The following PGPEP1L variants were observed in gnomAD, a reference collection of about 807,000 sequenced individuals.
The protein encoded by PGPEP1L is pyroglutamyl-peptidase I like, also known as pyroglutamyl-peptidase 1-like protein.
Under a neutral mutation model 6.0 loss-of-function variants are expected in PGPEP1L, and 7 were observed. The observed-to-expected ratio is 1.17, with a 90% CI of 0.66 to 2.19. The LOEUF is 2.19. Ranked by LOEUF, PGPEP1L falls within the 30% of genes most tolerant of loss-of-function variation. The probability of loss-of-function intolerance (pLI) is 0.00; values close to 1 mark genes in which losing one functional copy is unlikely to be tolerated. For synonymous variants in PGPEP1L, 103 were observed against 83.9 expected (o/e 1.23, Z -1.24); for missense variants, 209 against 192.5 (o/e 1.09, Z -0.51).
intron 2 of PGPEP1L, among the ~76,000 whole-genome samples, chr15:99,001,460 C>T (rs1398514134): frequency 6.6e-6 from 1 of 152,052 alleles, no homozygotes; most frequent in African/African-American, 2.4e-5. Flanking sequence ...TTCTGGGGTG[C>T]TGAAAATGTT....
At chr15:98,971,961 AGTT>A (rs959960981) in intron 2 of PGPEP1L, among the ~76,000 whole-genome samples, 4 of 152,374 alleles carry the variant, frequency 2.6e-5, no homozygotes, top group African/African-American at 9.6e-5. Flanking sequence ...ATCCATGTTC[AGTT>A]GTTATCATTT....
intron 2 of PGPEP1L, among the ~76,000 whole-genome samples, chr15:98,974,651 C>A (rs1416318094): frequency 6.6e-6 from 1 of 152,208 alleles, no homozygotes; most frequent in Non-Finnish European, 1.5e-5. Flanking sequence ...AATCCCAGCA[C>A]TTTGGGAGGC....
intron 2 of PGPEP1L, among the ~76,000 whole-genome samples, chr15:98,988,703 C>T (rs2017781217): frequency 6.6e-6 from 1 of 152,122 alleles, no homozygotes; most frequent in Non-Finnish European, 1.5e-5. Context: ...TGGGAGATAC[C>T]TCCCAGTAGG....
rs149674551 is a variant in PGPEP1L at position 98,980,589 on chromosome 15, CAG to C, written c.-141-9433_-141-9432del. On this transcript the variant is annotated intron_variant, in intron 2 of 4. Transcript: ENST00000535714. Reference sequence around the variant, plus strand: ...CTCCCCCACTCGAGTGTGGGCTGCGCAGAGTTACTTCCTTCCAAAGAGGACAG... The same window carrying C: ...CTCCCCCACTCGAGTGTGGGCTGCGCAGTTACTTCCTTCCAAAGAGGACAG... Among the ~76,000 whole-genome samples the C allele has an allele frequency of 3.5e-3, 539 of 152,274 alleles. 2 individuals are homozygous for C. The highest frequency in any genetic ancestry group is 0.011 in the African/African-American group (456 of 41,556).
In PGPEP1L at chr15:98,968,673, G is replaced by A. The variant is rs1000747674; in HGVS notation, c.234C>T (p.Tyr78=). 1.3e-6 allele frequency: 2 copies of A among 1,578,950 alleles called. No individual in the cohort carries two copies. Among genetic ancestry groups the A allele is most frequent in the East Asian group, 2.3e-5 (1 of 43,136 alleles). Residue 78 remains tyrosine, a synonymous_variant, in exon 5 of 5, where the codon TAC becomes TAT. Transcript: ENST00000535714. ...AGRYVCDYTY[Y]LSLHHGKGCA... is the part of the protein sequence containing the mutation. ...AGCCCTTTCCATGATGCAGAGACAG[G>A]TAATAGGTATAATCACAGACGTATC...
chr15:99,005,960 C>T (rs2018051646), intron 1 of PGPEP1L, among the ~76,000 whole-genome samples: 1 of 152,162 alleles, frequency 6.6e-6, no homozygotes. Flanking sequence ...GCCAGAGCCC[C>T]TCATTGTGTT....
intron 2 of PGPEP1L, among the ~76,000 whole-genome samples, chr15:99,001,942 T>C (rs2017977795): frequency 6.6e-6 from 1 of 152,172 alleles, no homozygotes; most frequent in South Asian, 2.1e-4. Flanking sequence ...GGTCTCGAAC[T>C]CCTGCCCTAA....
intron 2 of PGPEP1L, among the ~76,000 whole-genome samples, chr15:98,974,999 C>T (rs920205141): frequency 1.3e-5 from 2 of 152,186 alleles, no homozygotes; most frequent in Non-Finnish European, 2.9e-5. Context: ...ATCAGTATAT[C>T]AGAAAGATAT....
intron 2 of PGPEP1L, among the ~76,000 whole-genome samples, chr15:98,978,722 A>AT (rs1567236364): frequency 9.5e-5 from 4 of 42,238 alleles, no homozygotes; most frequent in African/African-American, 2.6e-4. Flanking sequence ...ATATATATAT[A>AT]TATATTTTTT....
chr15:99,004,227 AC>A (rs1165450836), intron 2 of PGPEP1L, among the ~76,000 whole-genome samples: 1 of 151,182 alleles, frequency 6.6e-6, no homozygotes, highest in Non-Finnish European at 1.5e-5. Context: ...ATACAGGAAA[AC>A]CCTGTTTCTA....
chr15:98,970,508 T>C (rs2017477653), intron 3 of PGPEP1L, among the ~76,000 whole-genome samples: 1 of 135,108 alleles, frequency 7.4e-6, no homozygotes, highest in South Asian at 2.7e-4. Context: ...TGATAGTGTA[T>C]GTTTTATTAA....
chr15:98,987,165 C>CAAAAAAAAAAAAAAAAAAAA (rs57923635), intron 2 of PGPEP1L, among the ~76,000 whole-genome samples: 1 of 33,396 alleles, frequency 3.0e-5, no homozygotes, highest in African/African-American at 1.1e-4. Context: ...GACTCCATCT[C>CAAAAAAAAAAAAAAAAAAAA]AAAAAAAAAA....
Position 98,969,470 on chromosome 15 carries a change from A to G in PGPEP1L, c.164T>C (p.Val55Ala). ...GATCACGTCGACACCCTCCACAGCT[A>G]CGCGCTTGCAGACTGCCTTCATGCA... ...GVCMKAVCKR[V>A]AVEGVDVIFS... The change falls in exon 4 of 5, where the codon GTA becomes GCA. Residue 55 changes from valine to alanine, a missense_variant. Transcript: ENST00000535714. The G allele has an allele frequency of 6.2e-7, 1 of 1,613,962 alleles. No individual in the cohort carries two copies.
At position 98,971,029 on chromosome 15, in the gene PGPEP1L, C is replaced by T. The variant is rs1346564305; in HGVS notation, c.-19+7G>A. Reference sequence around the variant, plus strand: ...CCCATGCCCCACTGCCTCTGGCCATCACTTACTTGCGGCTGATGATCTTCC... The same window carrying T: ...CCCATGCCCCACTGCCTCTGGCCATTACTTACTTGCGGCTGATGATCTTCC... On this transcript the variant is annotated splice_region_variant and intron_variant, in intron 3 of 4. Coordinates refer to ENST00000535714, the MANE Select transcript of PGPEP1L (RefSeq NM_001167902.2). 6.2e-7 allele frequency: 1 copy of T among 1,613,454 alleles called. No homozygotes were observed. The highest frequency in any genetic ancestry group is 1.3e-5 in the African/African-American group (1 of 74,916).
chr15:99,000,926 C>G (rs1031392893), intron 2 of PGPEP1L, among the ~76,000 whole-genome samples: 2 of 152,142 alleles, frequency 1.3e-5, no homozygotes, highest in Non-Finnish European at 2.9e-5. Flanking sequence ...TCTTTGGGTC[C>G]ACACTGCCTT....
chr15:98,968,738 C>A (rs2017443456), intron 4 of PGPEP1L, 41 bp from the exon 5 acceptor site: 14 of 1,529,452 alleles, frequency 9.2e-6, no homozygotes, highest in Non-Finnish European at 1.2e-5. Context: ...TCGGACCAGC[C>A]TCTAACCTCA....
chr15:98,978,565 A>C lies in PGPEP1L; in HGVS notation c.-141-7407T>G, dbSNP rs186504164. On this transcript the variant is annotated intron_variant, in intron 2 of 4. Transcript: ENST00000535714. ...GACTTCCCTTTTTTGTTTTTTCCCC[A>C]AAAAAAACTGTGTAGAACGGAAAAG... Among the ~76,000 whole-genome samples, 476 of 151,708 alleles carry C rather than the reference A, an allele frequency of 3.1e-3. 2 individuals are homozygous for C. Among genetic ancestry groups the C allele is most frequent in the African/African-American group, 8.7e-3 (359 of 41,360 alleles).
At position 98,968,530 on chromosome 15, in the gene PGPEP1L, CT is replaced by C. The variant is rs375574170; in HGVS notation, c.376del (p.Arg126GlufsTer59). The C allele has an allele frequency of 1.5e-3, 2,359 of 1,613,620 alleles. 37 individuals carry two copies. In the African/African-American group the frequency reaches 0.028, roughly 19 times the overall value. ...MLEEVGKPKH[R>X]AQFEENSTMV... is the part of the protein sequence containing the mutation. ...GGTTGAGTTTTCTTCGAACTGGGCT[CT>C]GTGCTTGGGCTTTCCCACCTCTTCC... is the stretch of plus-strand genomic sequence containing the variant. On this transcript the variant is annotated frameshift_variant, in exon 5 of 5. Coordinates refer to ENST00000535714, the MANE Select transcript of PGPEP1L (RefSeq NM_001167902.2). LOFTEE classifies it low-confidence loss of function (END_TRUNC).
intron 2 of PGPEP1L, among the ~76,000 whole-genome samples, chr15:98,975,657 G>T (rs1400051541): frequency 6.6e-6 from 1 of 152,144 alleles, no homozygotes; most frequent in African/African-American, 2.4e-5. Context: ...GAGACGGGCG[G>T]ATCACTTGAT....
Sources: gnomAD v4.1 joint callset for allele counts (sites outside exome capture counted in the v4.1 genomes callset) on GRCh38, gnomAD v4.1.1 for gene constraint, MANE v1.5 for transcripts, NCBI Gene and HGNC (gene_info 2026-07-23, HGNC 2026-07-21) for gene names.